Variants in WASF3 observed in about 807,000 individuals in gnomAD.
The protein encoded by WASF3 is WASP family member 3.
In WASF3, 11 loss-of-function variants were observed where a neutral mutation model predicts 46.6. The ratio of observed to expected loss-of-function variants is 0.24; its 90% confidence interval spans 0.15 to 0.39. The LOEUF (loss-of-function observed/expected upper bound fraction) is 0.39, where lower values mean the gene tolerates loss of function less well. Among genes scored for constraint, WASF3 ranks in the 10% least tolerant of loss-of-function variants. The pLI, the probability that WASF3 is intolerant of heterozygous loss-of-function variation, is 1.00. For missense variants in WASF3, 576 were observed against 669.8 expected, an observed-to-expected ratio of 0.86 and a Z score of 1.55; for synonymous variants, 242 against 259.7, an observed-to-expected ratio of 0.93 and a Z score of 0.65.
intron 1 of WASF3, among the ~76,000 whole-genome samples, chr13:26,590,228 G>GCC (rs145930293): frequency 3.3e-5 from 5 of 151,786 alleles, no homozygotes; most frequent in African/African-American, 1.2e-4. Context: ...CTGCTGAGAG[G>GCC]CCCCCCCAAC....
At chr13:26,625,866 C>G (rs557601728) in intron 2 of WASF3, among the ~76,000 whole-genome samples, 11 of 152,182 alleles carry the variant, frequency 7.2e-5, no homozygotes, top group African/African-American at 2.4e-4. Flanking sequence ...ATGTATATAT[C>G]TATAGTAAGC....
At chr13:26,625,699 C>T (rs1881444117) in intron 2 of WASF3, among the ~76,000 whole-genome samples, 1 of 152,256 alleles carries the variant, frequency 6.6e-6, no homozygotes, top group South Asian at 2.1e-4. Context: ...CTCTCACAGA[C>T]TCACCCAGAG....
At chr13:26,545,534 C>T in the WASF3 span, among the ~76,000 whole-genome samples, 1 of 151,728 alleles carries the variant, frequency 6.6e-6, no homozygotes, top group Non-Finnish European at 1.5e-5. Context: ...TAATTTTTTA[C>T]TTTTCTAGAT....
the WASF3 span, among the ~76,000 whole-genome samples, chr13:26,542,287 G>A: frequency 6.6e-6 from 1 of 152,114 alleles, no homozygotes; most frequent in East Asian, 1.9e-4. Flanking sequence ...AAGATTGTAG[G>A]TTGTTTGAAT....
At chr13:26,559,876 G>A (rs1432437308) in intron 1 of WASF3, among the ~76,000 whole-genome samples, 1 of 134,400 alleles carries the variant, frequency 7.4e-6, no homozygotes, top group Non-Finnish European at 1.5e-5. Flanking sequence ...GGAGTGCAGT[G>A]GTGTGATCTC....
intron 9 of WASF3, among the ~76,000 whole-genome samples, chr13:26,685,364 G>A (rs1277602074): frequency 6.6e-6 from 1 of 152,182 alleles, no homozygotes; most frequent in East Asian, 1.9e-4. Context: ...GTCAGTTCAT[G>A]CTTTTAAGGC....
At chr13:26,678,243 C>T (rs1250215623) in intron 7 of WASF3, among the ~76,000 whole-genome samples, 1 of 151,972 alleles carries the variant, frequency 6.6e-6, no homozygotes, top group Non-Finnish European at 1.5e-5. Context: ...TGGATTATAA[C>T]CCTTAATTTA....
rs558898570 is a variant in WASF3, at chr13:26,654,184, G to T, written c.134-10844G>T. 1.3e-4 allele frequency among the ~76,000 whole-genome samples: 20 copies of T among 152,146 alleles called. 1 individual carries two copies. In the South Asian group the frequency reaches 4.2e-3, roughly 32 times the overall value. On this transcript the variant is annotated intron_variant, in intron 3 of 9. Coordinates refer to ENST00000335327, the MANE Select transcript of WASF3 (RefSeq NM_006646.6). ...CAAAGGGAAGGGCATCTATTTCTCT[G>T]TCCTCTTCTTCTACCCTTTTCCCCA...
chr13:26,684,875 T>C (rs1303649356), intron 9 of WASF3, among the ~76,000 whole-genome samples: 2 of 152,156 alleles, frequency 1.3e-5, no homozygotes, highest in African/African-American at 4.8e-5. Flanking sequence ...AGTTAAAAAA[T>C]GAATGGATAC....
chr13:26,634,534 G>A lies in WASF3; in HGVS notation c.-10-7727G>A, dbSNP rs535604708. 1.6e-3 allele frequency among the ~76,000 whole-genome samples: 241 copies of A among 152,304 alleles called. 1 individual carries two copies. Among genetic ancestry groups the A allele is most frequent in the African/African-American group, 5.5e-3 (229 of 41,570 alleles). ...GACAATTTGATCCTGTCATTATGAT[G>A]TTAGCTGGTTATTTTGACTGTTAAT... On this transcript the variant is annotated intron_variant, in intron 2 of 9. Transcript: ENST00000335327.
intron 3 of WASF3, among the ~76,000 whole-genome samples, chr13:26,645,862 TAA>T (rs1343488518): frequency 6.6e-6 from 1 of 152,162 alleles, no homozygotes; most frequent in Non-Finnish European, 1.5e-5. Context: ...GTCTGGCTTT[TAA>T]AGAGTTTGGA....
chr13:26,543,410 C>G, the WASF3 span, among the ~76,000 whole-genome samples: 1 of 151,994 alleles, frequency 6.6e-6, no homozygotes, highest in Non-Finnish European at 1.5e-5. Context: ...TTTTAGCTTT[C>G]AATATAATTT....
chr13:26,677,891 G>A (rs750254249), intron 7 of WASF3, among the ~76,000 whole-genome samples: 4 of 151,876 alleles, frequency 2.6e-5, no homozygotes, highest in Admixed American at 2.0e-4. Context: ...TTGTTTACTC[G>A]TGCAAAACGT....
Position 26,628,679 on chromosome 13 carries a change from G to A in WASF3, c.-10-13582G>A, listed in dbSNP as rs1001096493. On this transcript the variant is annotated intron_variant, in intron 2 of 9. Coordinates refer to ENST00000335327, the MANE Select transcript of WASF3 (RefSeq NM_006646.6). ...TATTCCATGGTAACATGAGTCCAAA[G>A]TACCGTGGTGGCATCCAGAACTTGC... Among the ~76,000 whole-genome samples the A allele has an allele frequency of 3.9e-5, 6 of 152,314 alleles. No homozygotes were observed. In the South Asian group the frequency reaches 1.0e-3, roughly 26 times the overall value.
intron 4 of WASF3, among the ~76,000 whole-genome samples, chr13:26,666,866 C>CAAA (rs1168774717): frequency 0.017 from 1,078 of 62,570 alleles, 57 homozygotes; most frequent in Middle Eastern, 0.022. Flanking sequence ...AAGACTGTCT[C>CAAA]AAAAAAAAAA....
intron 1 of WASF3, among the ~76,000 whole-genome samples, chr13:26,579,932 G>A (rs1255589490): frequency 6.6e-6 from 1 of 152,144 alleles, no homozygotes; most frequent in African/African-American, 2.4e-5. Flanking sequence ...GCTGCATGTG[G>A]CCCAGAATGG....
chr13:26,614,183 A>C (rs1286411381), intron 2 of WASF3, among the ~76,000 whole-genome samples: 2 of 152,200 alleles, frequency 1.3e-5, no homozygotes, highest in Admixed American at 1.3e-4. Context: ...CCAGAATTAG[A>C]AGCTGGAAGA....
At chr13:26,583,591 A>C (rs1297357999) in intron 1 of WASF3, among the ~76,000 whole-genome samples, 4 of 152,154 alleles carry the variant, frequency 2.6e-5, no homozygotes, top group African/African-American at 7.2e-5. Flanking sequence ...AATTTTTTTA[A>C]ATTATGAATT....
chr13:26,632,599 T>C (rs1241529500), intron 2 of WASF3, among the ~76,000 whole-genome samples: 1 of 152,250 alleles, frequency 6.6e-6, no homozygotes, highest in East Asian at 1.9e-4. Flanking sequence ...GATTTTCACA[T>C]TGAAGTTCAT....
Sources: gnomAD v4.1 joint callset for allele counts (sites outside exome capture counted in the v4.1 genomes callset) on GRCh38, gnomAD v4.1.1 for gene constraint, MANE v1.5 for transcripts, NCBI Gene and HGNC (gene_info 2026-07-23, HGNC 2026-07-21) for gene names.